Variants in CCDC30 observed in about 807,000 individuals in gnomAD.
The protein encoded by CCDC30 is coiled-coil domain containing 30, also known as coiled-coil domain-containing protein 30.
CCDC30 carries 70 observed loss-of-function variants against 100.2 expected under a neutral mutation model. That is an observed-to-expected ratio of 0.70 (90% confidence interval 0.58 to 0.85). The LOEUF (loss-of-function observed/expected upper bound fraction) is 0.85. CCDC30 is among the 40% of genes least tolerant of loss of function. CCDC30 has a pLI of 0.00. For synonymous variants in CCDC30, 233 were observed against 269.5 expected, an observed-to-expected ratio of 0.86 and a Z score of 1.33; for missense variants, 652 against 771.2, an observed-to-expected ratio of 0.85 and a Z score of 1.83.
rs577330370 is a variant in CCDC30 at position 42,540,858 on chromosome 1, C to T, written c.457-25438C>T. Reference sequence around the variant, plus strand: ...CAATACCATTATCTAATCTATAGCTCGTATTCAGATTTTATTCTGATTCCC... The same window carrying T: ...CAATACCATTATCTAATCTATAGCTTGTATTCAGATTTTATTCTGATTCCC... On this transcript the variant is annotated intron_variant, in intron 6 of 16. Transcript: ENST00000668663. Among the ~76,000 whole-genome samples, 19 of 152,238 alleles carry T rather than the reference C, an allele frequency of 1.2e-4. No individual in the cohort carries two copies. The South Asian group carries it at 2.1e-3, about 17-fold the overall frequency.
chr1:42,548,173 T>G (rs375856518), intron 6 of CCDC30, among the ~76,000 whole-genome samples: 5 of 152,252 alleles, frequency 3.3e-5, no homozygotes, highest in African/African-American at 1.2e-4. Context: ...GGCCTGATCA[T>G]GAAGGGACAC....
chr1:42,610,891 T>C, intron 10 of CCDC30, 87 bp from the exon 15 acceptor site: 2 of 651,688 alleles, frequency 3.1e-6, no homozygotes, highest in Non-Finnish European at 5.2e-6. Context: ...AAGCTTTTTT[T>C]TTTTTTTTTA....
intron 11 of CCDC30, among the ~76,000 whole-genome samples, chr1:42,622,291 G>C (rs867537989): frequency 6.6e-6 from 1 of 152,136 alleles, no homozygotes; most frequent in African/African-American, 2.4e-5. Context: ...CGGCTGAATA[G>C]TATTCCATTA....
intron 11 of CCDC30, among the ~76,000 whole-genome samples, chr1:42,636,272 A>G (rs1477188669): frequency 1.3e-5 from 2 of 152,022 alleles, no homozygotes; most frequent in African/African-American, 4.8e-5. Flanking sequence ...TAAAAAAATT[A>G]ACCAGGTGTG....
intron 6 of CCDC30, among the ~76,000 whole-genome samples, chr1:42,551,672 A>G (rs1645254365): frequency 6.6e-6 from 1 of 152,010 alleles, no homozygotes; most frequent in Non-Finnish European, 1.5e-5. Context: ...ACTTTTAAAA[A>G]TCTGTTCAGC....
chr1:42,599,122 AG>A (rs2148621875), intron 10 of CCDC30, among the ~76,000 whole-genome samples: 1 of 152,324 alleles, frequency 6.6e-6, no homozygotes, highest in South Asian at 2.1e-4. Context: ...AGTTGATCTA[AG>A]AGATAAGTTG....
chr1:42,634,789 C>A (rs1205708867), intron 11 of CCDC30, among the ~76,000 whole-genome samples: 1 of 152,104 alleles, frequency 6.6e-6, no homozygotes, highest in Non-Finnish European at 1.5e-5. Context: ...CCACAATCAA[C>A]ATTAGAACAT....
At chr1:42,642,190 T>C (rs575006389) in intron 12 of CCDC30, among the ~76,000 whole-genome samples, 15 of 151,748 alleles carry the variant, frequency 9.9e-5, no homozygotes, top group South Asian at 4.2e-4. Flanking sequence ...CACGCCACTG[T>C]ATTCCAGCCT....
At chr1:42,498,433 A>G (rs1408200627) in intron 5 of CCDC30, among the ~76,000 whole-genome samples, 1 of 152,198 alleles carries the variant, frequency 6.6e-6, no homozygotes, top group African/African-American at 2.4e-5. Flanking sequence ...TGAACTGTAC[A>G]CTTAAAAATG....
At chr1:42,536,503 G>T in intron 6 of CCDC30, 3 of 1,608,124 alleles carry the variant, frequency 1.9e-6, no homozygotes, top group Non-Finnish European at 2.5e-6. Context: ...AGAAAAAAAT[G>T]AAATGTTTGA....
intron 10 of CCDC30, among the ~76,000 whole-genome samples, chr1:42,607,495 G>A (rs1646523562): frequency 6.7e-6 from 1 of 150,318 alleles, no homozygotes; most frequent in African/African-American, 2.5e-5. Context: ...GAGGCAGGAG[G>A]ATCACTTGAG....
In CCDC30 at chr1:42,633,408, T is replaced by G. The variant is rs1312037190; in HGVS notation, c.1278-3829T>G. ...TTCATCCTCTCCCCTCCCTGAATGA[T>G]AAGGGTATGCACCTGGAAGCCCCAA... On this transcript the variant is annotated intron_variant, in intron 11 of 16. Coordinates refer to ENST00000668663, the Ensembl canonical transcript of CCDC30. 3.0e-4 allele frequency among the ~76,000 whole-genome samples: 45 copies of G among 152,228 alleles called. 2 individuals are homozygous for G. The highest frequency in any genetic ancestry group is 8.8e-5 in the Non-Finnish European group (6 of 68,018).
intron 11 of CCDC30, among the ~76,000 whole-genome samples, chr1:42,622,450 A>G (rs1646857084): frequency 6.6e-6 from 1 of 152,162 alleles, no homozygotes; most frequent in African/African-American, 2.4e-5. Flanking sequence ...TTGGATATAT[A>G]CTCAGCAGCG....
intron 6 of CCDC30, among the ~76,000 whole-genome samples, chr1:42,511,785 T>C (rs1386060847): frequency 2.0e-5 from 3 of 152,144 alleles, no homozygotes; most frequent in African/African-American, 7.2e-5. Flanking sequence ...GGTGGCGCTA[T>C]TGACCTTGAA....
At chr1:42,518,793 C>T (rs1371357388) in intron 6 of CCDC30, among the ~76,000 whole-genome samples, 2 of 152,140 alleles carry the variant, frequency 1.3e-5, no homozygotes, top group African/African-American at 4.8e-5. Flanking sequence ...TTGTTGTTGT[C>T]TAATAGCTCT....
At chr1:42,611,148 G>T in intron 11 of CCDC30, 58 bp downstream of exon 15, 2 of 1,054,650 alleles carry the variant, frequency 1.9e-6, no homozygotes, top group East Asian at 2.5e-5. Flanking sequence ...ATTTCTTGCT[G>T]AGCAGGCTCT....
intron 6 of CCDC30, among the ~76,000 whole-genome samples, chr1:42,552,029 G>T (rs572640009): frequency 6.6e-6 from 1 of 152,256 alleles, no homozygotes; most frequent in South Asian, 2.1e-4. Flanking sequence ...GCCTCCCAAA[G>T]TGCTGGGATT....
intron 11 of CCDC30, among the ~76,000 whole-genome samples, chr1:42,618,942 C>T (rs1420055226): frequency 6.6e-6 from 1 of 152,180 alleles, no homozygotes; most frequent in Non-Finnish European, 1.5e-5. Context: ...CATTTAACTG[C>T]AATAACTCAT....
chr1:42,564,489 C>T (rs1292556743), intron 6 of CCDC30, among the ~76,000 whole-genome samples: 1 of 152,026 alleles, frequency 6.6e-6, no homozygotes, highest in Non-Finnish European at 1.5e-5. Flanking sequence ...AGGGTTTCGC[C>T]ATGTTGACCA....
Sources: gnomAD v4.1 joint callset for allele counts (sites outside exome capture counted in the v4.1 genomes callset) on GRCh38, gnomAD v4.1.1 for gene constraint, MANE v1.5 for transcripts, NCBI Gene and HGNC (gene_info 2026-07-23, HGNC 2026-07-21) for gene names.